The following TSPAN1 variants were observed in gnomAD, a reference collection of about 807,000 sequenced individuals.
TSPAN1 encodes tetraspanin-1.
In TSPAN1, 23 loss-of-function variants were observed where a neutral mutation model predicts 26.9. The ratio of observed to expected loss-of-function variants is 0.85; its 90% CI spans 0.62 to 1.21. The LOEUF (loss-of-function observed/expected upper bound fraction) is 1.21, where lower values mean the gene tolerates loss of function less well. TSPAN1 is among the 50% of genes most tolerant of loss of function. TSPAN1 has a pLI of 0.00. For synonymous variants in TSPAN1, 115 were observed against 114.8 expected (o/e 1.00, Z -0.01); for missense variants, 283 against 298.4 (o/e 0.95, Z 0.38).
downstream of TSPAN1, chr1:46,189,338 CTG>C (rs1472496234): frequency 6.2e-7 from 1 of 1,613,878 alleles, no homozygotes; most frequent in Non-Finnish European, 8.5e-7. Flanking sequence ...ATTGGGGTGA[CTG>C]AGGGTGGCTT....
Position 46,184,844 on chromosome 1 carries a change from G to C in TSPAN1, c.399G>C (p.Gln133His). The C allele has an allele frequency of 2.5e-6, 4 of 1,614,178 alleles. No individual in the cohort carries two copies. Among genetic ancestry groups the C allele is most frequent in the Non-Finnish European group, 3.4e-6 (4 of 1,180,032 alleles). Residue 133 changes from glutamine to histidine, a missense_variant, in exon 6 of 9, where the codon CAG becomes CAC. Transcript: ENST00000372003. Reference protein sequence around the residue: ...VPAIKKDYGSQEDFTQVWNTT... With the variant: ...VPAIKKDYGSHEDFTQVWNTT... ...CCATCAAGAAAGATTATGGTTCCCA[G>C]GAAGACTTCACTCAAGTGTGGAACA...
chr1:46,192,411 G>C, the TSPAN1 span: 1 of 1,614,164 alleles, frequency 6.2e-7, no homozygotes, highest in Non-Finnish European at 8.5e-7. Context: ...CAGTAGTGCT[G>C]GGTCCTCAGC....
At chr1:46,181,051 G>C (rs1210493342) in intron 2 of TSPAN1, 49 bp from the exon 3 acceptor site, 1 of 1,572,942 alleles carries the variant, frequency 6.4e-7, no homozygotes, top group Non-Finnish European at 8.7e-7. Flanking sequence ...GCCAGCCCAG[G>C]TGGGCCCAGG....
chr1:46,190,850 A>T (rs1657710369), downstream of TSPAN1: 3 of 1,432,686 alleles, frequency 2.1e-6, no homozygotes, highest in South Asian at 3.4e-5. Context: ...CTTGCTGACC[A>T]GCCAGACATC....
the TSPAN1 span, chr1:46,193,503 C>A: frequency 6.2e-7 from 1 of 1,613,820 alleles, no homozygotes; most frequent in Non-Finnish European, 8.5e-7. Context: ...TTGCCCGTCC[C>A]TGGCAATCAC....
the TSPAN1 span, chr1:46,194,195 C>T: frequency 3.1e-6 from 5 of 1,611,520 alleles, no homozygotes; most frequent in Non-Finnish European, 4.2e-6. Flanking sequence ...GTAGGGAAAG[C>T]CCAACCTAGA....
chr1:46,194,299 G>A, the TSPAN1 span: 2 of 1,614,090 alleles, frequency 1.2e-6, no homozygotes, highest in South Asian at 2.2e-5. Context: ...CTCGATGGGT[G>A]TGGGGTCCTT....
chr1:46,176,621 ATCT>A, intron 1 of TSPAN1: 1 of 995,178 alleles, frequency 1.0e-6, no homozygotes, highest in Non-Finnish European at 1.4e-6. Context: ...CTCCTTCACA[ATCT>A]TCTTTATTGG....
the TSPAN1 span, chr1:46,194,425 T>C: frequency 7.4e-6 from 12 of 1,614,166 alleles, no homozygotes; most frequent in East Asian, 1.6e-4. Context: ...GCGGTTGTCA[T>C]GGAGGCATGG....
chr1:46,193,593 T>C, the TSPAN1 span: 10 of 1,614,122 alleles, frequency 6.2e-6, no homozygotes, highest in Non-Finnish European at 8.5e-6. Flanking sequence ...AAAACTGTTA[T>C]CATCTGAGGA....
chr1:46,196,037 T>C, the TSPAN1 span: 3 of 1,614,016 alleles, frequency 1.9e-6, no homozygotes, highest in South Asian at 3.3e-5. This position sits in a 1 kb window ranked among gnomAD's most constrained non-coding sequence, Gnocchi z 4.4. Flanking sequence ...GACAATGACA[T>C]GGATGCCCCG....
chr1:46,195,169 A>G, the TSPAN1 span, among the ~76,000 whole-genome samples: 2 of 152,126 alleles, frequency 1.3e-5, no homozygotes, highest in African/African-American at 2.4e-5. Flanking sequence ...CCTTTCCACA[A>G]ACCCACACGA....
chr1:46,192,825 G>C, the TSPAN1 span: 7 of 1,600,012 alleles, frequency 4.4e-6, no homozygotes, highest in African/African-American at 8.0e-5. Context: ...CCTCCAGAAA[G>C]CTCTCTAGGA....
At chr1:46,178,125 G>A (rs1571634395) in intron 1 of TSPAN1, among the ~76,000 whole-genome samples, 1 of 152,164 alleles carries the variant, frequency 6.6e-6, no homozygotes, top group African/African-American at 2.4e-5. Flanking sequence ...GGGAGCCCGA[G>A]GTGGGTGGAT....
chr1:46,189,587 G>A (rs1463155341), downstream of TSPAN1: 12 of 1,601,894 alleles, frequency 7.5e-6, no homozygotes, highest in Non-Finnish European at 1.0e-5. Flanking sequence ...GTGGGATGGA[G>A]ACAGAGACAT....
chr1:46,194,125 CCCAG>C, the TSPAN1 span: 5 of 1,542,406 alleles, frequency 3.2e-6, no homozygotes, highest in Non-Finnish European at 4.4e-6. Flanking sequence ...GCCCCTTCAC[CCCAG>C]CCCTGTCTTT....
intron 1 of TSPAN1, chr1:46,176,162 A>G (rs1222428206): frequency 5.3e-6 from 8 of 1,521,912 alleles, no homozygotes; most frequent in East Asian, 2.5e-5. Flanking sequence ...GGCATGAGCC[A>G]CCGCACCCAG....
chr1:46,189,891 T>C (rs1657615911), downstream of TSPAN1: 10 of 1,613,990 alleles, frequency 6.2e-6, no homozygotes, highest in East Asian at 4.5e-5. Context: ...GTCATCATCT[T>C]TCTCCATTCG....
chr1:46,192,600 G>C, the TSPAN1 span: 3 of 1,613,808 alleles, frequency 1.9e-6, no homozygotes, highest in South Asian at 1.1e-5. Context: ...ACTGAGAGAG[G>C]CAGGGTCAAA....
Sources: gnomAD v4.1 joint callset for allele counts (sites outside exome capture counted in the v4.1 genomes callset) on GRCh38, gnomAD v4.1.1 for gene constraint, Gnocchi (gnomAD v3.1) non-coding constraint, MANE v1.5 for transcripts, NCBI Gene and HGNC (gene_info 2026-07-23, HGNC 2026-07-21) for gene names.